FRMPD3: variants seen among roughly 807,000 people sequenced by gnomAD.
The protein encoded by FRMPD3 is FERM and PDZ domain-containing protein 3.
FRMPD3 carries 42 observed loss-of-function variants against 97.9 expected under a neutral mutation model. The ratio of observed to expected loss-of-function variants is 0.43; its 90% CI spans 0.34 to 0.55. The LOEUF (loss-of-function observed/expected upper bound fraction) is 0.55, where lower values mean the gene tolerates loss of function less well. Ranked by LOEUF, FRMPD3 falls within the 20% of genes least tolerant of loss-of-function variation. FRMPD3 has a pLI of 0.03. For missense variants in FRMPD3, 1,303 were observed against 1,457.7 expected (o/e 0.89, Z 1.73); for synonymous variants, 577 against 581.1 (o/e 0.99, Z 0.10).
chrX:107,546,651 G>A (rs1456038685), intron 5 of FRMPD3, among the ~76,000 whole-genome samples: 2 of 112,210 alleles, frequency 1.8e-5, no homozygotes, highest in Non-Finnish European at 3.8e-5. Flanking sequence ...GTGTTAAGCA[G>A]TCATGCATTC....
intron 13 of FRMPD3, among the ~76,000 whole-genome samples, chrX:107,593,523 T>G (rs1311534349): frequency 1.8e-5 from 2 of 112,114 alleles, no homozygotes; most frequent in African/African-American, 6.5e-5. Context: ...CTTTTATGGT[T>G]TCAGGTCTTA....
At chrX:107,533,576 C>G in intron 4 of FRMPD3, 26 bp downstream of exon 4, 1 of 1,180,413 alleles carries the variant, frequency 8.5e-7, no homozygotes, top group Non-Finnish European at 1.1e-6. Context: ...TGCCATCTGC[C>G]CTTCCTCCTG....
chrX:107,505,509 G>C (rs186889275), intron 1 of FRMPD3, among the ~76,000 whole-genome samples: 29 of 112,377 alleles, frequency 2.6e-4, no homozygotes, highest in Non-Finnish European at 5.1e-4. Context: ...GCAGTGAGCT[G>C]AGATCGTGCC....
chrX:107,449,866 C>A lies in FRMPD3; in HGVS notation c.-147C>A, dbSNP rs913470848. The stretch of plus-strand genomic sequence containing the variant: ...GCGCCACTGAGCCCCAAGCCCATGC[C>A]GGGCTCGGGGGCACGGGTGCCCTAG... On this transcript the variant is annotated 5_prime_UTR_variant, in exon 1 of 15. Transcript: ENST00000683843. Among the ~76,000 whole-genome samples, 3 of 108,933 alleles carry A rather than the reference C, an allele frequency of 2.8e-5. No homozygotes were observed. The highest frequency in any genetic ancestry group is 9.5e-5 in the Admixed American group (1 of 10,520). The allele number at this position is 108,933 out of a possible 115,157, so 94.6% of individuals were successfully genotyped here. A position where few individuals can be genotyped will look rare whatever the true frequency, so the allele number is the denominator to read the frequency against.
intron 1 of FRMPD3, among the ~76,000 whole-genome samples, chrX:107,462,478 C>T (rs1025483329): frequency 8.9e-6 from 1 of 112,176 alleles, no homozygotes; most frequent in African/African-American, 3.2e-5. Context: ...GTTTCAGCAT[C>T]AGAGCTTGGG....
At chrX:107,473,000 G>T (rs911691316) in intron 1 of FRMPD3, among the ~76,000 whole-genome samples, 1 of 112,363 alleles carries the variant, frequency 8.9e-6, no homozygotes, top group African/African-American at 3.2e-5. Context: ...AAAGGGGCAG[G>T]TCTCTCCTGG....
chrX:107,540,015 TG>T (rs1436412548), intron 4 of FRMPD3, among the ~76,000 whole-genome samples: 4 of 111,652 alleles, frequency 3.6e-5, no homozygotes, highest in Non-Finnish European at 7.5e-5. Context: ...CAGCGTGAGG[TG>T]GGTCCAGGAA....
chrX:107,561,022 C>G (rs1374023841), intron 10 of FRMPD3, among the ~76,000 whole-genome samples, 169 bp downstream of exon 10: 1 of 111,993 alleles, frequency 8.9e-6, no homozygotes, highest in East Asian at 2.8e-4. Context: ...GAGGAGTCTT[C>G]CCCAAGCCTG....
Position 107,601,524 on chromosome X carries a change from G to A in FRMPD3, c.3485G>A (p.Ser1162Asn). 1 of 1,176,276 alleles carries A rather than the reference G, an allele frequency of 8.5e-7. No homozygotes were observed. The highest frequency in any genetic ancestry group is 1.1e-6 in the Non-Finnish European group (1 of 878,639). ...HSPSSQSRGQSPSCQPRGQSP... is the reference protein window; with the variant it reads ...HSPSSQSRGQNPSCQPRGQSP... ...CCCAGCAGCCAGTCTCGAGGTCAGA[G>A]CCCCAGCTGCCAACCTCGAGGCCAG... The change falls in exon 15 of 15, where the codon AGC becomes AAC. Residue 1162 changes from serine (S) to asparagine (N), a missense_variant. Ser to Asn is a conservative substitution (Grantham distance 46). Transcript: ENST00000683843.
At chrX:107,493,219 A>T (rs1921703566) in intron 1 of FRMPD3, among the ~76,000 whole-genome samples, 1 of 107,814 alleles carries the variant, frequency 9.3e-6, no homozygotes, top group Non-Finnish European at 1.9e-5. Context: ...CCGAAGCAAC[A>T]TTTAGAAATT....
intron 1 of FRMPD3, among the ~76,000 whole-genome samples, chrX:107,501,525 C>T (rs757251813): frequency 1.3e-5 from 1 of 78,066 alleles, no homozygotes; most frequent in Admixed American, 1.6e-4. Context: ...CCCGCCACCG[C>T]GCCCGGCCTG....
At chrX:107,466,567 T>G (rs181109930) in intron 1 of FRMPD3, among the ~76,000 whole-genome samples, 56 of 112,240 alleles carry the variant, frequency 5.0e-4, no homozygotes, top group Non-Finnish European at 8.5e-4. Flanking sequence ...TTGATCCATT[T>G]CATTTAGGTC....
At chrX:107,515,601 A>G (rs1364065978) in intron 1 of FRMPD3, among the ~76,000 whole-genome samples, 1 of 111,936 alleles carries the variant, frequency 8.9e-6, no homozygotes, top group African/African-American at 3.2e-5. Flanking sequence ...TATGTGTAGA[A>G]AACGTTTTTG....
chrX:107,560,530 A>G lies in FRMPD3; in HGVS notation c.899+137A>G, dbSNP rs1922311033. The G allele has an allele frequency of 5.5e-6, 5 of 912,642 alleles. No homozygotes were observed. The Admixed American group carries it at 1.2e-4, about 22-fold the overall frequency. 75.2% of individuals were successfully genotyped at this position (912,642 alleles called of 1,213,427 possible). A position where few individuals can be genotyped will look rare whatever the true frequency, so the allele number is the denominator to read the frequency against. On this transcript the variant is annotated intron_variant, in intron 9 of 14. Transcript: ENST00000683843. ...GAGAATTGGAGTCCCTCATATCTAG[A>G]CTATGAAGCCCTAGAGCTACAGCTT...
chrX:107,595,592 G>A (rs1433763629), intron 13 of FRMPD3, among the ~76,000 whole-genome samples: 3 of 111,067 alleles, frequency 2.7e-5, no homozygotes, highest in Non-Finnish European at 5.7e-5. Flanking sequence ...GTATTGTTCA[G>A]GTCCTCTGTT....
Position 107,512,056 on chromosome X carries a change from C to T in FRMPD3, c.-7-14526C>T, listed in dbSNP as rs192422033. ...ATCTCCTCTTTCACACACACACACA[C>T]GCGCACACACACACACACTCACACT... On this transcript the variant is annotated intron_variant, in intron 1 of 14. Transcript: ENST00000683843. Among the ~76,000 whole-genome samples, 616 of 109,255 alleles carry T rather than the reference C, an allele frequency of 5.6e-3. 5 individuals carry two copies. The highest frequency in any genetic ancestry group is 0.019 in the African/African-American group (571 of 30,037). The allele number at this position is 109,255 out of a possible 115,157, so 94.9% of individuals were successfully genotyped here. A position where few individuals can be genotyped will look rare whatever the true frequency, so the allele number is the denominator to read the frequency against.
At chrX:107,533,991 G>T (rs1011046618) in intron 4 of FRMPD3, among the ~76,000 whole-genome samples, 2 of 111,871 alleles carry the variant, frequency 1.8e-5, no homozygotes, top group African/African-American at 6.5e-5. Flanking sequence ...AATTTGCTGG[G>T]GGGTACCCTT....
intron 1 of FRMPD3, among the ~76,000 whole-genome samples, chrX:107,514,026 A>T (rs1180759799): frequency 2.7e-5 from 3 of 112,106 alleles, no homozygotes; most frequent in African/African-American, 9.7e-5. Context: ...TGAGGAGGTG[A>T]TATTTAAGTG....
intron 1 of FRMPD3, among the ~76,000 whole-genome samples, chrX:107,522,085 T>G (rs928228926): frequency 7.2e-5 from 8 of 111,394 alleles, no homozygotes; most frequent in South Asian, 7.7e-4. Flanking sequence ...CCAGGTTGTC[T>G]CGTAGTTGGG....
Sources: gnomAD v4.1 joint callset for allele counts (sites outside exome capture counted in the v4.1 genomes callset) on GRCh38, gnomAD v4.1.1 for gene constraint, MANE v1.5 for transcripts, NCBI Gene and HGNC (gene_info 2026-07-23, HGNC 2026-07-21) for gene names.